Variants in DSCAM observed in about 807,000 individuals in gnomAD.
DSCAM encodes DS cell adhesion molecule.
Under a neutral mutation model 217.7 loss-of-function variants are expected in DSCAM, and 47 were observed. That is an observed-to-expected ratio of 0.22 (90% CI 0.17 to 0.28). The LOEUF (loss-of-function observed/expected upper bound fraction) is 0.28, where lower values mean the gene tolerates loss of function less well. Ranked by LOEUF, DSCAM falls within the 10% of genes least tolerant of loss-of-function variation. DSCAM has a pLI of 1.00. For missense variants in DSCAM, 2,080 were observed against 2,618.3 expected (o/e 0.79, Z 4.49); for synonymous variants, 1,056 against 1,015.3 (o/e 1.04, Z -0.76).
chr21:40,633,925 T>C (rs1030133642), intron 3 of DSCAM, among the ~76,000 whole-genome samples: 2 of 152,088 alleles, frequency 1.3e-5, no homozygotes, highest in Non-Finnish European at 2.9e-5. Context: ...GCCCCAGAGA[T>C]CCCATGTTGT....
At chr21:40,071,809 G>A (rs1460436109) in intron 27 of DSCAM, among the ~76,000 whole-genome samples, 6 of 152,172 alleles carry the variant, frequency 3.9e-5, no homozygotes, top group African/African-American at 7.2e-5. Context: ...TGGGTGATTC[G>A]ACTAATGCAC....
chr21:40,660,682 T>C (rs567885846), intron 3 of DSCAM, among the ~76,000 whole-genome samples: 5 of 152,270 alleles, frequency 3.3e-5, no homozygotes, highest in African/African-American at 1.2e-4. Flanking sequence ...TAGATAGCTA[T>C]CTAAAATGTG....
intron 3 of DSCAM, among the ~76,000 whole-genome samples, chr21:40,478,571 C>T (rs2075956609): frequency 1.3e-5 from 2 of 152,086 alleles, no homozygotes; most frequent in Admixed American, 6.6e-5. Flanking sequence ...TATGGAACAT[C>T]CTAAAAAATC....
chr21:40,424,582 T>C (rs1196972701), intron 3 of DSCAM, among the ~76,000 whole-genome samples: 3 of 152,186 alleles, frequency 2.0e-5, no homozygotes, highest in Non-Finnish European at 4.4e-5. Flanking sequence ...GCTCCAGAAC[T>C]GTGAGAGAAT....
chr21:40,624,671 G>T (rs1252819875), intron 3 of DSCAM, among the ~76,000 whole-genome samples: 1 of 152,106 alleles, frequency 6.6e-6, no homozygotes, highest in African/African-American at 2.4e-5. Flanking sequence ...TAACCTACCA[G>T]AAGGGCTAAG....
chr21:40,639,923 C>G (rs934088920), intron 3 of DSCAM, among the ~76,000 whole-genome samples: 4 of 152,128 alleles, frequency 2.6e-5, no homozygotes, highest in South Asian at 2.1e-4. Context: ...AAAACCCATG[C>G]CTTGTTCTAC....
intron 20 of DSCAM, among the ~76,000 whole-genome samples, chr21:40,113,350 C>G (rs887891919): frequency 6.6e-6 from 1 of 152,010 alleles, no homozygotes; most frequent in African/African-American, 2.4e-5. Context: ...AGGCCTTTGA[C>G]AAAATTCAAC....
intron 11 of DSCAM, among the ~76,000 whole-genome samples, chr21:40,253,084 G>A (rs1601486978): frequency 1.3e-5 from 2 of 152,190 alleles, no homozygotes; most frequent in South Asian, 2.1e-4. Context: ...ACATAAACCA[G>A]GAGGGAGAAG....
intron 27 of DSCAM, among the ~76,000 whole-genome samples, chr21:40,066,056 G>C (rs1412672972): frequency 1.3e-5 from 2 of 152,216 alleles, no homozygotes; most frequent in African/African-American, 4.8e-5. Context: ...CCATGCAGAC[G>C]CAACTTGCTC....
chr21:40,014,212 A>C (rs2018943), intron 32 of DSCAM, among the ~76,000 whole-genome samples: 6 of 151,976 alleles, frequency 3.9e-5, no homozygotes, highest in Admixed American at 6.5e-5. Flanking sequence ...CCAACATGGC[A>C]AAACCCCCTC....
At chr21:40,230,084 T>G (rs905367836) in intron 11 of DSCAM, among the ~76,000 whole-genome samples, 5 of 152,244 alleles carry the variant, frequency 3.3e-5, no homozygotes, top group African/African-American at 1.2e-4. Flanking sequence ...TTCCTAATGA[T>G]AAATAATAGC....
chr21:40,213,709 T>G (rs1005636849), intron 11 of DSCAM, among the ~76,000 whole-genome samples: 1 of 152,186 alleles, frequency 6.6e-6, no homozygotes, highest in Non-Finnish European at 1.5e-5. Flanking sequence ...ATGCCAGGGA[T>G]GGAGGGGTTC....
rs1031011686 is a variant in DSCAM at position 40,295,565 on chromosome 21, A to T, written c.2182+490T>A. Among the ~76,000 whole-genome samples the T allele has an allele frequency of 4.6e-5, 7 of 152,256 alleles. No homozygotes were observed. The East Asian group carries it at 5.8e-4, about 13-fold the overall frequency. ...TTTTTAAAAAGAGCACGCCAAGGAG[A>T]TGACGTGTAATCTGTATATTCTAAG... On this transcript the variant is annotated intron_variant, in intron 10 of 32. Transcript: ENST00000400454.
chr21:40,071,761 G>A (rs2089295243), intron 27 of DSCAM, among the ~76,000 whole-genome samples: 2 of 152,210 alleles, frequency 1.3e-5, no homozygotes, highest in Non-Finnish European at 2.9e-5. Flanking sequence ...TTCTCCCAGA[G>A]GCACAGAGTC....
intron 8 of DSCAM, among the ~76,000 whole-genome samples, chr21:40,336,046 C>T (rs2074426981): frequency 6.6e-6 from 1 of 152,174 alleles, no homozygotes; most frequent in Non-Finnish European, 1.5e-5. Flanking sequence ...TTTATTACAT[C>T]TTTACCCTAA....
intron 8 of DSCAM, among the ~76,000 whole-genome samples, chr21:40,324,368 A>G (rs1255222220): frequency 1.3e-5 from 2 of 152,112 alleles, no homozygotes; most frequent in African/African-American, 4.8e-5. Flanking sequence ...TTGGGGGCGT[A>G]AAAGAGTAAA....
At chr21:40,356,414 T>C (rs949750209) in intron 4 of DSCAM, among the ~76,000 whole-genome samples, 11 of 150,942 alleles carry the variant, frequency 7.3e-5, no homozygotes, top group African/African-American at 2.7e-4. Context: ...TATATGCACA[T>C]TGTACATCAC....
At chr21:40,440,001 A>G (rs982110082) in intron 3 of DSCAM, among the ~76,000 whole-genome samples, 3 of 152,216 alleles carry the variant, frequency 2.0e-5, no homozygotes, top group Admixed American at 6.5e-5. Flanking sequence ...AGTCCAAATC[A>G]GGGAGGATCA....
intron 10 of DSCAM, 46 bp downstream of exon 10, chr21:40,296,009 A>G (rs751535190): frequency 4.5e-5 from 72 of 1,596,586 alleles, no homozygotes; most frequent in Non-Finnish European, 5.9e-5. Context: ...CCTTTAGAAC[A>G]TAGCAAATGT....
Sources: gnomAD v4.1 joint callset for allele counts (sites outside exome capture counted in the v4.1 genomes callset) on GRCh38, gnomAD v4.1.1 for gene constraint, MANE v1.5 for transcripts, NCBI Gene and HGNC (gene_info 2026-07-23, HGNC 2026-07-21) for gene names.